USP47: variants seen among roughly 807,000 people sequenced by gnomAD.
The protein encoded by USP47 is ubiquitin specific peptidase 47.
USP47 carries 35 observed loss-of-function variants against 165.1 expected under a neutral mutation model. That is an observed-to-expected ratio of 0.21 (90% CI 0.16 to 0.28). The LOEUF (loss-of-function observed/expected upper bound fraction) is 0.28, where lower values mean the gene tolerates loss of function less well. USP47 is among the 10% of genes least tolerant of loss of function. The pLI is 1.00. For missense variants in USP47, 1,277 were observed against 1,607.4 expected (o/e 0.79, Z 3.52); for synonymous variants, 531 against 544.5 (o/e 0.98, Z 0.35).
rs139788977 is a variant in USP47, at chr11:11,960,083, C to T, written c.*3908C>T. 5.0e-3 allele frequency among the ~76,000 whole-genome samples: 754 copies of T among 152,262 alleles called. 6 individuals carry two copies. Among genetic ancestry groups the T allele is most frequent in the Middle Eastern group, 0.014 (4 of 294 alleles). On this transcript the variant is annotated 3_prime_UTR_variant, in exon 28 of 28. Coordinates refer to ENST00000527733, the MANE Select transcript of USP47 (RefSeq NM_001282659.2). ...CTGGGCAGTGGGCTTATCAAGTGCT[C>T]AGTGCAATCCTGTGACTTTTAAGTC...
chr11:11,915,672 T>C (rs1795888942), intron 8 of USP47, among the ~76,000 whole-genome samples: 1 of 152,074 alleles, frequency 6.6e-6, no homozygotes, highest in East Asian at 1.9e-4. Flanking sequence ...CTCAAAAGTT[T>C]CAATGAAAAA....
chr11:11,922,081 G>A (rs1314995377), intron 10 of USP47, among the ~76,000 whole-genome samples: 1 of 151,878 alleles, frequency 6.6e-6, no homozygotes, highest in Admixed American at 6.6e-5. Flanking sequence ...TTTTAGAGAT[G>A]TATATAAAAC....
intron 3 of USP47, among the ~76,000 whole-genome samples, chr11:11,889,389 A>G (rs1369544702): frequency 5.9e-5 from 9 of 152,178 alleles, no homozygotes. Context: ...CAGTGTGCAG[A>G]AATTGCTAGT....
At chr11:11,867,295 A>T (rs1849746458) in intron 1 of USP47, among the ~76,000 whole-genome samples, 1 of 152,020 alleles carries the variant, frequency 6.6e-6, no homozygotes, top group African/African-American at 2.4e-5. Flanking sequence ...TTGGTTCCTG[A>T]AGGGTTCTAA....
chr11:11,885,002 T>C (rs1851063000), intron 3 of USP47, among the ~76,000 whole-genome samples: 1 of 152,200 alleles, frequency 6.6e-6, no homozygotes, highest in African/African-American at 2.4e-5. Flanking sequence ...CCGTTCTCAC[T>C]TCCTCCCCTA....
intron 1 of USP47, among the ~76,000 whole-genome samples, chr11:11,871,501 CAAAAAAAAAAAAAAAAAAAAAAAA>C (rs71037046): frequency 0.096 from 6,048 of 63,248 alleles, 446 homozygotes; most frequent in African/African-American, 0.21. Flanking sequence ...AACTCCCTCT[CAAAAAAAAAAAAAAAAAAAAAAAA>C]AAAAAAAAAA....
intron 20 of USP47, among the ~76,000 whole-genome samples, chr11:11,945,942 A>G (rs982800399): frequency 2.1e-5 from 3 of 143,224 alleles, no homozygotes; most frequent in South Asian, 4.6e-4. Context: ...CCCCCCCCCA[A>G]AAAAAAAAGA....
rs932827757 is a variant in USP47, at chr11:11,961,139, A to G, written c.*4964A>G. 5.3e-5 allele frequency among the ~76,000 whole-genome samples: 8 copies of G among 152,236 alleles called. No homozygotes were observed. The highest frequency in any genetic ancestry group is 1.2e-4 in the Non-Finnish European group (8 of 68,046). ...GTTTCCTCCTCAATGTCAAGGACTC[A>G]AAGACTCTTTCTGTGGTAGGGCCAC... On this transcript the variant is annotated 3_prime_UTR_variant, in exon 28 of 28. Transcript: ENST00000527733.
chr11:11,848,672 C>T (rs1364889218), intron 1 of USP47, among the ~76,000 whole-genome samples: 3 of 142,476 alleles, frequency 2.1e-5, no homozygotes, highest in Middle Eastern at 3.6e-3. Context: ...TGCAGTGGTG[C>T]GATATCACCT....
In USP47 at chr11:11,960,270, T is replaced by C. The variant is rs1419799691; in HGVS notation, c.*4095T>C. Reference sequence around the variant, plus strand: ...GGAAGAGCGGGGGGAAGACATGTGCTAACCACTTCTTAGCAATGAGGCTGG... The same window carrying C: ...GGAAGAGCGGGGGGAAGACATGTGCCAACCACTTCTTAGCAATGAGGCTGG... On this transcript the variant is annotated 3_prime_UTR_variant, in exon 28 of 28. Transcript: ENST00000527733. Among the ~76,000 whole-genome samples the C allele has an allele frequency of 6.6e-6, 1 of 152,174 alleles. No individual in the cohort carries two copies. The highest frequency in any genetic ancestry group is 1.5e-5 in the Non-Finnish European group (1 of 68,030).
chr11:11,850,352 C>T (rs1294046168), intron 1 of USP47, among the ~76,000 whole-genome samples: 4 of 148,732 alleles, frequency 2.7e-5, no homozygotes, highest in African/African-American at 9.9e-5. Context: ...CTTTGTCTTC[C>T]AGTTTTTCTA....
chr11:11,931,864 A>G (rs186595993), intron 14 of USP47, among the ~76,000 whole-genome samples: 157 of 152,296 alleles, frequency 1.0e-3, no homozygotes, highest in Admixed American at 3.7e-3. Flanking sequence ...AATTATTAAG[A>G]AAAACTTTCG....
intron 8 of USP47, among the ~76,000 whole-genome samples, chr11:11,916,667 T>C (rs1468144129): frequency 6.6e-6 from 1 of 151,526 alleles, no homozygotes; most frequent in Non-Finnish European, 1.5e-5. Flanking sequence ...AAAAAAAAAT[T>C]GAAAGAGAAG....
intron 1 of USP47, among the ~76,000 whole-genome samples, chr11:11,870,068 G>A (rs1270026451): frequency 7.0e-6 from 1 of 142,082 alleles, no homozygotes; most frequent in African/African-American, 2.6e-5. Flanking sequence ...TTTGTTTTCT[G>A]TTTCTTTTTT....
intron 1 of USP47, among the ~76,000 whole-genome samples, chr11:11,877,805 CTGTG>C (rs10577564): frequency 0.015 from 1,054 of 71,024 alleles, 10 homozygotes; most frequent in East Asian, 0.038. Context: ...CTCTCTCTCT[CTGTG>C]TGTGTGTGTG....
intron 21 of USP47, 154 bp downstream of exon 21, chr11:11,948,274 T>G (rs1338258057): frequency 3.1e-6 from 3 of 962,294 alleles, no homozygotes; most frequent in Non-Finnish European, 4.5e-6. Context: ...GTTGTTATTT[T>G]TCTTCACTCA....
chr11:11,881,650 T>C (rs541701867), intron 2 of USP47, among the ~76,000 whole-genome samples: 34 of 152,250 alleles, frequency 2.2e-4, no homozygotes, highest in South Asian at 4.1e-4. Flanking sequence ...TTATGGACTT[T>C]AGGGGAGGAT....
chr11:11,885,390 A>T (rs1027444477), intron 3 of USP47, among the ~76,000 whole-genome samples: 1 of 152,130 alleles, frequency 6.6e-6, no homozygotes, highest in African/African-American at 2.4e-5. Context: ...GAATGAAGAA[A>T]AGCAGGGTGG....
Position 11,956,218 on chromosome 11 carries a change from A to G in USP47, c.*43A>G. The G allele has an allele frequency of 6.2e-7, 1 of 1,608,104 alleles. No individual in the cohort carries two copies. ...TTTCCCTGGGGGAGTTTTGGTTTTA[A>G]TTAGATGGTTCACTACCACTGGGTA... On this transcript the variant is annotated 3_prime_UTR_variant, in exon 28 of 28. Transcript: ENST00000527733.
Sources: gnomAD v4.1 joint callset for allele counts (sites outside exome capture counted in the v4.1 genomes callset) on GRCh38, gnomAD v4.1.1 for gene constraint, MANE v1.5 for transcripts, NCBI Gene and HGNC (gene_info 2026-07-23, HGNC 2026-07-21) for gene names.